The following AKAP14 variants were observed in gnomAD, a reference collection of about 807,000 sequenced individuals.
AKAP14 encodes A-kinase anchor protein 14.
AKAP14 carries 4 observed loss-of-function variants against 17.0 expected under a neutral mutation model. That is an observed-to-expected ratio of 0.23 (90% CI 0.12 to 0.54). AKAP14 has a LOEUF of 0.54. Among genes scored for constraint, AKAP14 ranks in the 20% least tolerant of loss-of-function variants. The pLI, the probability that AKAP14 is intolerant of heterozygous loss-of-function variation, is 0.95. For synonymous variants in AKAP14, 42 were observed against 51.3 expected, an observed-to-expected ratio of 0.82 and a Z score of 0.77; for missense variants, 129 against 150.9, an observed-to-expected ratio of 0.85 and a Z score of 0.76.
chrX:119,906,476 G>A lies in AKAP14; in HGVS notation c.261+2890G>A, dbSNP rs367613367. On this transcript the variant is annotated intron_variant, in intron 4 of 6. Coordinates refer to ENST00000371431, the MANE Select transcript of AKAP14 (RefSeq NM_178813.6). ...TCTCGATCTTCTGACCTTGTGATCC[G>A]CCTGCCTCGGCCTCCCAAAGTGCTG... Among the ~76,000 whole-genome samples, 12 of 107,736 alleles carry A rather than the reference G, an allele frequency of 1.1e-4. No homozygotes were observed. In the South Asian group the frequency reaches 4.0e-3, roughly 36 times the overall value. 93.6% of individuals were successfully genotyped at this position (107,736 alleles called of 115,157 possible).
intron 2 of AKAP14, among the ~76,000 whole-genome samples, chrX:119,898,118 G>C (rs1453277451): frequency 9.0e-6 from 1 of 111,311 alleles, no homozygotes; most frequent in East Asian, 2.8e-4. Flanking sequence ...AGCCGAGATT[G>C]CGCCACCGCA....
At chrX:119,920,461 T>G (rs2056682925) in intron 6 of AKAP14, 47 bp from the exon 7 acceptor site, 8 of 1,051,177 alleles carry the variant, frequency 7.6e-6, no homozygotes, top group Non-Finnish European at 1.1e-5. Context: ...TTTAAAAGCT[T>G]TTGATTTAAA....
chrX:119,914,634 A>G, intron 4 of AKAP14, 65 bp from the exon 5 acceptor site: 1 of 1,078,765 alleles, frequency 9.3e-7, no homozygotes. Flanking sequence ...TGCTGCATTT[A>G]TCTACAGGAC....
intron 4 of AKAP14, among the ~76,000 whole-genome samples, chrX:119,904,020 T>C (rs986419772): frequency 9.0e-6 from 1 of 111,584 alleles, no homozygotes; most frequent in African/African-American, 3.3e-5. Flanking sequence ...CCTAGCTCCC[T>C]GCAGCTTTGA....
chrX:119,908,936 A>G (rs2056612740), intron 4 of AKAP14, among the ~76,000 whole-genome samples: 1 of 110,745 alleles, frequency 9.0e-6, no homozygotes, highest in South Asian at 3.8e-4. Context: ...AGAAGAAGAA[A>G]CTCTTAGAAC....
chrX:119,913,773 C>CTCAA (rs10570399), intron 4 of AKAP14, among the ~76,000 whole-genome samples: 1,366 of 105,080 alleles, frequency 0.013, 24 homozygotes, highest in African/African-American at 0.043. Context: ...GAGGCTCTGT[C>CTCAA]TCAATCAATC....
chrX:119,910,589 C>T (rs1177726918), intron 4 of AKAP14, among the ~76,000 whole-genome samples: 2 of 111,479 alleles, frequency 1.8e-5, no homozygotes, highest in Non-Finnish European at 3.8e-5. Context: ...CCCCCTTTCT[C>T]CTTCAAAAGA....
intron 4 of AKAP14, among the ~76,000 whole-genome samples, chrX:119,914,086 G>C (rs371464296): frequency 9.4e-6 from 1 of 106,128 alleles, no homozygotes; most frequent in East Asian, 3.1e-4. Flanking sequence ...AATACAAAAA[G>C]AATTAGCCGG....
chrX:119,914,980 T>C, intron 5 of AKAP14, 102 bp downstream of exon 5: 1 of 873,778 alleles, frequency 1.1e-6, no homozygotes, highest in Non-Finnish European at 1.6e-6. Flanking sequence ...TTAATAGTCA[T>C]ACTTCTGTCC....
At chrX:119,907,570 G>T (rs974812239) in intron 4 of AKAP14, among the ~76,000 whole-genome samples, 1 of 111,235 alleles carries the variant, frequency 9.0e-6, no homozygotes, top group Non-Finnish European at 1.9e-5. Flanking sequence ...TGATCCTCCT[G>T]CCTCAGCCTC....
chrX:119,910,110 G>A (rs1315242072), intron 4 of AKAP14, among the ~76,000 whole-genome samples: 2 of 110,916 alleles, frequency 1.8e-5, no homozygotes, highest in Non-Finnish European at 3.8e-5. Flanking sequence ...GCTACAATGA[G>A]CCATGATCGT....
rs755041094 is a variant in AKAP14, at chrX:119,920,639, C to T, written c.*32C>T. 7.7e-6 allele frequency: 8 copies of T among 1,037,971 alleles called. No individual in the cohort carries two copies. The highest frequency in any genetic ancestry group is 1.1e-5 in the Non-Finnish European group (8 of 750,257). The allele number at this position is 1,037,971 out of a possible 1,213,427, so 85.5% of individuals were successfully genotyped here. A position where few individuals can be genotyped will look rare whatever the true frequency, so the allele number is the denominator to read the frequency against. ...CAGGATGTCTTAGGATTGTTTTTCT[C>T]ATCAGGATACATTAAAAATACAATA... On this transcript the variant is annotated 3_prime_UTR_variant, in exon 7 of 7. Coordinates refer to ENST00000371431, the MANE Select transcript of AKAP14 (RefSeq NM_178813.6).
intron 2 of AKAP14, among the ~76,000 whole-genome samples, chrX:119,902,503 A>C (rs933154766): frequency 9.0e-6 from 1 of 111,186 alleles, no homozygotes; most frequent in Non-Finnish European, 1.9e-5. Context: ...CTGAGATTAC[A>C]GGCACATGCC....
intron 5 of AKAP14, among the ~76,000 whole-genome samples, chrX:119,919,500 T>G (rs1164483528): frequency 8.9e-6 from 1 of 112,521 alleles, no homozygotes; most frequent in Non-Finnish European, 1.9e-5. Flanking sequence ...AGATGAATTC[T>G]AGAAATTCAA....
At chrX:119,916,290 G>A (rs1295723630) in intron 5 of AKAP14, among the ~76,000 whole-genome samples, 1 of 110,162 alleles carries the variant, frequency 9.1e-6, no homozygotes, top group Non-Finnish European at 1.9e-5. Context: ...TCCCACATCA[G>A]CCTTCCTTGT....
intron 2 of AKAP14, among the ~76,000 whole-genome samples, chrX:119,899,685 T>C (rs1192121408): frequency 9.0e-6 from 1 of 111,557 alleles, no homozygotes; most frequent in African/African-American, 3.3e-5. Flanking sequence ...GCACCATTTA[T>C]GGGTGCAGTC....
intron 5 of AKAP14, among the ~76,000 whole-genome samples, chrX:119,915,790 G>A (rs780990097): frequency 1.8e-5 from 2 of 108,523 alleles, no homozygotes; most frequent in South Asian, 3.9e-4. Flanking sequence ...ACAGGCTTGA[G>A]CCACCGTGCC....
In AKAP14 at chrX:119,897,745, T is replaced by C. The variant is rs952097183; in HGVS notation, c.-11+1478T>C. On this transcript the variant is annotated intron_variant, in intron 2 of 6. Transcript: ENST00000371431. ...GCTCTGGCAGATGATCCTGTCTACC[T>C]CCAGCTGCAGCAACAAGGAACTGGG... 1.6e-4 allele frequency among the ~76,000 whole-genome samples: 18 copies of C among 111,482 alleles called. No individual in the cohort carries two copies. The Admixed American group carries it at 1.7e-3, about 11-fold the overall frequency.
Position 119,920,388 on chromosome X carries a change from TAA to T in AKAP14, c.495-117_495-116del. ...TTAGCTACCTCCCCTCCCCCGCCAA[TAA>T]AAGAGGCTTCTTGCTTACTAGGAAT... On this transcript the variant is annotated intron_variant, in intron 6 of 6. Coordinates refer to ENST00000371431, the MANE Select transcript of AKAP14 (RefSeq NM_178813.6). The T allele has an allele frequency of 1.9e-5, 10 of 524,632 alleles. No homozygotes were observed. The South Asian group carries it at 3.1e-4, about 16-fold the overall frequency. 43.2% of individuals were successfully genotyped at this position (524,632 alleles called of 1,213,427 possible).
Sources: gnomAD v4.1 joint callset for allele counts (sites outside exome capture counted in the v4.1 genomes callset) on GRCh38, gnomAD v4.1.1 for gene constraint, MANE v1.5 for transcripts, NCBI Gene and HGNC (gene_info 2026-07-23, HGNC 2026-07-21) for gene names.